Variants in CACHD1 observed in about 807,000 individuals in gnomAD.
CACHD1 encodes cache domain containing 1, also known as VWFA and cache domain-containing protein 1.
CACHD1 carries 71 observed loss-of-function variants against 138.7 expected under a neutral mutation model. The observed-to-expected ratio is 0.51, with a 90% CI of 0.42 to 0.62. The LOEUF (loss-of-function observed/expected upper bound fraction) is 0.62, where lower values mean the gene tolerates loss of function less well. Ranked by LOEUF, CACHD1 falls within the 20% of genes least tolerant of loss-of-function variation. The pLI is 0.00. For synonymous variants in CACHD1, 578 were observed against 591.5 expected, an observed-to-expected ratio of 0.98 and a Z score of 0.33; for missense variants, 1,389 against 1,625.3, an observed-to-expected ratio of 0.85 and a Z score of 2.50.
chr1:64,554,278 G>A (rs1009791288), intron 2 of CACHD1, among the ~76,000 whole-genome samples: 8 of 152,184 alleles, frequency 5.3e-5, no homozygotes. Flanking sequence ...CTTAATTGCA[G>A]GAATTTTATT....
At chr1:64,673,510 A>G (rs2100722738) in intron 19 of CACHD1, 46 bp downstream of exon 19, 1 of 1,408,570 alleles carries the variant, frequency 7.1e-7, no homozygotes. Context: ...CCATCCCATT[A>G]TGGAACATGA....
At chr1:64,566,223 C>T (rs1025404683) in intron 2 of CACHD1, among the ~76,000 whole-genome samples, 7 of 152,128 alleles carry the variant, frequency 4.6e-5, no homozygotes, top group African/African-American at 1.2e-4. Flanking sequence ...TCCGTGAGGG[C>T]GTGGATTTTT....
At chr1:64,628,144 T>C (rs1648174135) in intron 4 of CACHD1, among the ~76,000 whole-genome samples, 1 of 152,256 alleles carries the variant, frequency 6.6e-6, no homozygotes, top group African/African-American at 2.4e-5. Context: ...TCCATCATCA[T>C]TGTTAGAGTC....
At chr1:64,560,541 A>G (rs191746255) in intron 2 of CACHD1, among the ~76,000 whole-genome samples, 1 of 152,066 alleles carries the variant, frequency 6.6e-6, no homozygotes. Flanking sequence ...TTCTAATTTA[A>G]TTCCATTATG....
At chr1:64,513,733 C>T (rs574829306) in intron 1 of CACHD1, among the ~76,000 whole-genome samples, 18 of 152,264 alleles carry the variant, frequency 1.2e-4, no homozygotes, top group African/African-American at 3.6e-4. Flanking sequence ...ATGCCTGTGA[C>T]ACAGCTGGAG....
intron 1 of CACHD1, among the ~76,000 whole-genome samples, chr1:64,517,016 A>C (rs1646464069): frequency 6.6e-6 from 1 of 152,290 alleles, no homozygotes; most frequent in African/African-American, 2.4e-5. Flanking sequence ...TTTGTCATGT[A>C]AATTGGGGAT....
intron 4 of CACHD1, among the ~76,000 whole-genome samples, chr1:64,611,271 C>A (rs1647523726): frequency 6.6e-6 from 1 of 152,226 alleles, no homozygotes; most frequent in Non-Finnish European, 1.5e-5. Flanking sequence ...TAACATTCGG[C>A]TCCTTGTTAC....
chr1:64,664,394 G>A (rs753692574), intron 14 of CACHD1, 104 bp from the exon 15 acceptor site: 143 of 1,099,012 alleles, frequency 1.3e-4, no homozygotes, highest in Non-Finnish European at 9.1e-5. Flanking sequence ...AAAGTAATTC[G>A]GCTTGGCTTC....
chr1:64,604,091 CT>C (rs1471677730), intron 4 of CACHD1, among the ~76,000 whole-genome samples: 1 of 152,174 alleles, frequency 6.6e-6, no homozygotes, highest in African/African-American at 2.4e-5. Context: ...AGAATATTTA[CT>C]TTTAGGGCCC....
chr1:64,504,825 T>C (rs1646359110), intron 1 of CACHD1, among the ~76,000 whole-genome samples: 1 of 152,098 alleles, frequency 6.6e-6, no homozygotes, highest in African/African-American at 2.4e-5. Flanking sequence ...AAGCCGGCAG[T>C]GTAGTGCTAT....
chr1:64,625,582 G>C (rs899994430), intron 4 of CACHD1, among the ~76,000 whole-genome samples: 22 of 151,196 alleles, frequency 1.5e-4, no homozygotes, highest in Non-Finnish European at 2.9e-5. Flanking sequence ...AGCCGAGATT[G>C]CACCACTGCA....
At chr1:64,489,089 A>T (rs1384887428) in intron 1 of CACHD1, among the ~76,000 whole-genome samples, 1 of 152,190 alleles carries the variant, frequency 6.6e-6, no homozygotes, top group African/African-American at 2.4e-5. Flanking sequence ...ATTGTGTTTC[A>T]GGGATTAACT....
At chr1:64,476,977 A>G (rs1646177484) in intron 1 of CACHD1, among the ~76,000 whole-genome samples, 1 of 152,188 alleles carries the variant, frequency 6.6e-6, no homozygotes, top group African/African-American at 2.4e-5. Context: ...ACCTTGGAGT[A>G]AGAATTTATT....
At chr1:64,517,369 G>T (rs114567562) in intron 1 of CACHD1, among the ~76,000 whole-genome samples, 4,123 of 152,204 alleles carry the variant, frequency 0.027, 91 homozygotes, top group African/African-American at 0.045. Context: ...GGAAATAAAT[G>T]ATATCATATG....
chr1:64,512,393 C>CAAAAAAAAAAAA (rs551616431), intron 1 of CACHD1, among the ~76,000 whole-genome samples: 20 of 78,598 alleles, frequency 2.5e-4, no homozygotes, highest in African/African-American at 5.1e-4. Context: ...GACTGTGTCT[C>CAAAAAAAAAAAA]AAAAAAAAAA....
chr1:64,504,781 A>G (rs1439672256), intron 1 of CACHD1, among the ~76,000 whole-genome samples: 1 of 152,136 alleles, frequency 6.6e-6, no homozygotes, highest in African/African-American at 2.4e-5. Flanking sequence ...TGCAAGTTCT[A>G]TGAGGCCTGG....
Position 64,634,187 on chromosome 1 carries a change from C to A in CACHD1, c.933C>A (p.Thr311=). The A allele has an allele frequency of 6.2e-7, 1 of 1,613,764 alleles. No homozygotes were observed. Among genetic ancestry groups the A allele is most frequent in the Non-Finnish European group, 8.5e-7 (1 of 1,179,952 alleles). ...VSSVKSSDSP[T]QHAVGFQKAF... is the part of the protein sequence containing the mutation. Reference sequence around the variant, plus strand: ...GCGTGAAGTCTTCAGACAGTCCTACCCAGCACGCAGTGGGATTCCAAAAGG... The same window carrying A: ...GCGTGAAGTCTTCAGACAGTCCTACACAGCACGCAGTGGGATTCCAAAAGG... The change falls in exon 7 of 27, where the codon ACC becomes ACA. Residue 311 remains threonine (T), a synonymous_variant. Coordinates refer to ENST00000651257, the MANE Select transcript of CACHD1 (RefSeq NM_020925.4).
intron 13 of CACHD1, among the ~76,000 whole-genome samples, chr1:64,662,529 C>T (rs1236494820): frequency 1.3e-5 from 2 of 152,134 alleles, no homozygotes; most frequent in Non-Finnish European, 2.9e-5. Flanking sequence ...ATGTCCAGCA[C>T]AATCAGAGAT....
intron 1 of CACHD1, among the ~76,000 whole-genome samples, chr1:64,484,708 C>T (rs1646231868): frequency 6.6e-6 from 1 of 152,226 alleles, no homozygotes; most frequent in Admixed American, 6.5e-5. Context: ...ACTCTAGGTA[C>T]CTCATAAAAG....
Sources: allele counts gnomAD v4.1 joint callset (sites outside exome capture counted in the v4.1 genomes callset), GRCh38; gene constraint gnomAD v4.1.1; transcripts MANE v1.5; gene names NCBI Gene and HGNC (gene_info 2026-07-23, HGNC 2026-07-21).